Variants in ACOXL observed in about 807,000 individuals in gnomAD.
ACOXL encodes acyl-CoA oxidase like.
ACOXL carries 70 observed loss-of-function variants against 71.9 expected under a neutral mutation model. That is an observed-to-expected ratio of 0.97 (90% CI 0.80 to 1.19). The LOEUF is 1.19. ACOXL is among the 50% of genes most tolerant of loss of function. The pLI, the probability that ACOXL is intolerant of heterozygous loss-of-function variation, is 0.00. For synonymous variants in ACOXL, 253 were observed against 281.6 expected, an observed-to-expected ratio of 0.90 and a Z score of 1.02; for missense variants, 703 against 736.3, an observed-to-expected ratio of 0.95 and a Z score of 0.52.
intron 12 of ACOXL, chr2:110,967,723 AACAC>A (rs1416788265): frequency 2.6e-5 from 12 of 457,952 alleles, no homozygotes; most frequent in African/African-American, 2.2e-4. Context: ...TTCAATGGTT[AACAC>A]AACTACTAGA....
intron 12 of ACOXL, among the ~76,000 whole-genome samples, chr2:110,950,372 T>C (rs1399564923): frequency 2.6e-5 from 4 of 152,144 alleles, no homozygotes; most frequent in Non-Finnish European, 5.9e-5. Context: ...AAAAGAGAGA[T>C]TGCTAAAATG....
intron 13 of ACOXL, among the ~76,000 whole-genome samples, chr2:110,993,285 C>G (rs2062224): frequency 0.44 from 67,481 of 151,966 alleles, 15,335 homozygotes; most frequent in Middle Eastern, 0.53. Context: ...TCTTTCATGC[C>G]CCTTCTTGGA....
At chr2:111,097,278 AT>A (rs1296090044) in intron 17 of ACOXL, among the ~76,000 whole-genome samples, 2 of 152,212 alleles carry the variant, frequency 1.3e-5, no homozygotes, top group Admixed American at 1.3e-4. Flanking sequence ...AAGTTGCTTC[AT>A]TGTTATTCTA....
intron 13 of ACOXL, among the ~76,000 whole-genome samples, chr2:110,990,481 C>T (rs2063128638): frequency 6.6e-6 from 1 of 151,798 alleles, no homozygotes; most frequent in Non-Finnish European, 1.5e-5. Flanking sequence ...TCTTCCTTTC[C>T]AACTGTTATT....
chr2:110,964,071 A>G (rs946173260), intron 12 of ACOXL, among the ~76,000 whole-genome samples: 7 of 152,192 alleles, frequency 4.6e-5, no homozygotes, highest in African/African-American at 1.7e-4. Context: ...AAGGAAATGC[A>G]TATTAGACTA....
chr2:111,013,538 AAAAAAAAG>A (rs2064273316), intron 14 of ACOXL, among the ~76,000 whole-genome samples: 1 of 151,508 alleles, frequency 6.6e-6, no homozygotes. Flanking sequence ...AAAAAAAAAA[AAAAAAAAG>A]AAGTAAAAGA....
chr2:111,007,355 AT>A (rs1191000302), intron 14 of ACOXL, among the ~76,000 whole-genome samples: 1 of 152,060 alleles, frequency 6.6e-6, no homozygotes, highest in African/African-American at 2.4e-5. Flanking sequence ...GGGATTTTCT[AT>A]TTTCCTCATT....
chr2:111,117,730 G>T lies in ACOXL; in HGVS notation c.1657G>T (p.Ala553Ser). Residue 553 changes from alanine to serine, a missense_variant, in exon 18 of 18, where the codon GCG becomes TCG. Ala to Ser is a moderately conservative substitution (Grantham distance 99). Coordinates refer to ENST00000439055, the MANE Select transcript of ACOXL (RefSeq NM_001142807.4). ...CGCCGGAATCTCCAACCCGCGGGCC[G>T]CGTGGGCTTTCTACCCTGCACCGCT... ...PIAGISNPRA[A>S]WAFYPAPLQP... 2.6e-6 allele frequency: 4 copies of T among 1,551,662 alleles called. No homozygotes were observed. Among genetic ancestry groups the T allele is most frequent in the African/African-American group, 1.4e-5 (1 of 73,184 alleles).
chr2:111,015,848 A>C (rs1001290237), intron 14 of ACOXL, among the ~76,000 whole-genome samples: 3 of 152,214 alleles, frequency 2.0e-5, no homozygotes, highest in Non-Finnish European at 4.4e-5. Flanking sequence ...CATTATGTTT[A>C]GTGAAAGAAG....
chr2:110,740,567 C>T (rs1195885167), intron 1 of ACOXL, among the ~76,000 whole-genome samples: 2 of 152,184 alleles, frequency 1.3e-5, no homozygotes, highest in East Asian at 1.9e-4. Flanking sequence ...TTTCAAGTCT[C>T]CAAAGGAGCA....
chr2:110,890,983 C>T (rs1697863727), intron 10 of ACOXL, among the ~76,000 whole-genome samples: 1 of 151,998 alleles, frequency 6.6e-6, no homozygotes, highest in Non-Finnish European at 1.5e-5. Context: ...GTTTTCAGTA[C>T]ACAAGTGTTA....
intron 8 of ACOXL, among the ~76,000 whole-genome samples, chr2:110,804,287 G>T (rs992536340): frequency 6.6e-6 from 1 of 152,086 alleles, no homozygotes; most frequent in Admixed American, 6.6e-5. Context: ...ATGCCCAACT[G>T]ATGTCCCTTA....
At chr2:111,078,193 C>A (rs2067699739) in intron 16 of ACOXL, among the ~76,000 whole-genome samples, 1 of 152,136 alleles carries the variant, frequency 6.6e-6, no homozygotes, top group South Asian at 2.1e-4. Context: ...TGCTTTGGAG[C>A]TCATCTTTCT....
At chr2:110,753,896 A>T (rs1470735158) in intron 1 of ACOXL, among the ~76,000 whole-genome samples, 1 of 152,112 alleles carries the variant, frequency 6.6e-6, no homozygotes, top group African/African-American at 2.4e-5. Flanking sequence ...TCATTATTTT[A>T]AAAATTTAGC....
intron 13 of ACOXL, among the ~76,000 whole-genome samples, chr2:110,990,685 T>C (rs2063136740): frequency 6.6e-6 from 1 of 152,246 alleles, no homozygotes. Flanking sequence ...AAGAAGCTTA[T>C]ACATTTTAAA....
At chr2:111,070,071 C>T (rs567333492) in intron 16 of ACOXL, among the ~76,000 whole-genome samples, 65 of 152,140 alleles carry the variant, frequency 4.3e-4, no homozygotes, top group African/African-American at 1.4e-3. Context: ...TCTGTCCAAG[C>T]GTATTCAGCA....
At chr2:110,761,294 G>A (rs1264095820) in intron 1 of ACOXL, among the ~76,000 whole-genome samples, 1 of 152,058 alleles carries the variant, frequency 6.6e-6, no homozygotes, top group Non-Finnish European at 1.5e-5. Context: ...AGCAATTGCT[G>A]TTGACACCCA....
intron 15 of ACOXL, among the ~76,000 whole-genome samples, chr2:111,034,743 C>G (rs1421435508): frequency 6.6e-6 from 1 of 152,168 alleles, no homozygotes; most frequent in African/African-American, 2.4e-5. Flanking sequence ...TAAAATTTCA[C>G]CAGCGTATCA....
intron 12 of ACOXL, among the ~76,000 whole-genome samples, chr2:110,948,901 A>G (rs1013265589): frequency 1.3e-5 from 2 of 151,874 alleles, no homozygotes; most frequent in African/African-American, 2.4e-5. Flanking sequence ...CAGAGTTACT[A>G]TTCATTGGAA....
Sources: gnomAD v4.1 joint callset for allele counts (sites outside exome capture counted in the v4.1 genomes callset) on GRCh38, gnomAD v4.1.1 for gene constraint, MANE v1.5 for transcripts, NCBI Gene and HGNC (gene_info 2026-07-23, HGNC 2026-07-21) for gene names.